The following SLC10A6 variants were observed in gnomAD, a reference collection of about 807,000 sequenced individuals.
SLC10A6 encodes the protein sodium-dependent organic anion transporter.
A neutral mutation model predicts 30.0 loss-of-function variants in SLC10A6; 27 were observed. That is an observed-to-expected ratio of 0.90 (90% CI 0.66 to 1.24). SLC10A6 has a LOEUF of 1.24. Among genes scored for constraint, SLC10A6 ranks in the 50% most tolerant of loss-of-function variants. The pLI is 0.00. For synonymous variants in SLC10A6, 166 were observed against 173.8 expected (o/e 0.95, Z 0.36); for missense variants, 439 against 457.0 (o/e 0.96, Z 0.36).
At position 86,831,873 on chromosome 4, in the gene SLC10A6, G is replaced by A. The variant is rs1435016959; in HGVS notation, c.504C>T (p.Thr168=). ...LTIPYQNIGI[T]LVCLTIPVAF... ...CCACAGGAATGGTCAGGCACACAAG[G>A]GTAATTCCTAAAGAGAAGAAAAATC... is the stretch of plus-strand genomic sequence containing the variant. Residue 168 remains threonine, a synonymous_variant, in exon 3 of 6, where the codon ACC becomes ACT. Coordinates refer to ENST00000273905, the MANE Select transcript of SLC10A6 (RefSeq NM_197965.3). 1.2e-6 allele frequency: 2 copies of A among 1,612,516 alleles called. No homozygotes were observed. Among genetic ancestry groups the A allele is most frequent in the Admixed American group, 1.7e-5 (1 of 59,944 alleles).
rs764945569 is a variant in SLC10A6, at chr4:86,849,108, G to C, written c.8C>G (p.Ala3Gly). Reference protein sequence around the residue: MRANCSSSSACPA... With the variant: MRGNCSSSSACPA... The stretch of plus-strand genomic sequence containing the variant: ...GCAGGCTGAGCTGCTGGAACAATTG[G>C]CTCTCATCTCCTCATCTCCTTAAGG... The change falls in exon 1 of 6, where the codon GCC (alanine) becomes GGC (glycine). Residue 3 changes from alanine to glycine, a missense_variant. Ala to Gly is a moderately conservative substitution (Grantham distance 60). Transcript: ENST00000273905. The C allele has an allele frequency of 1.9e-6, 3 of 1,612,634 alleles. No homozygotes were observed. Among genetic ancestry groups the C allele is most frequent in the Admixed American group, 3.3e-5 (2 of 59,876 alleles).
At chr4:86,823,927 TAAC>T (rs746959420) in intron 5 of SLC10A6, 25 bp from the exon 6 acceptor site, 1 of 1,561,610 alleles carries the variant, frequency 6.4e-7, no homozygotes, top group Middle Eastern at 1.7e-4. Flanking sequence ...ATACAAGTAT[TAAC>T]AATCACTTTA....
At chr4:86,840,656 A>G (rs1475060799) in intron 1 of SLC10A6, among the ~76,000 whole-genome samples, 1 of 152,130 alleles carries the variant, frequency 6.6e-6, no homozygotes, top group East Asian at 1.9e-4. Context: ...AAAATAAACC[A>G]TTTTCCACTA....
chr4:86,838,494 TTCTC>T (rs1237615159), intron 1 of SLC10A6, among the ~76,000 whole-genome samples: 14 of 152,348 alleles, frequency 9.2e-5, no homozygotes, highest in Middle Eastern at 6.8e-3. Flanking sequence ...TATGGAAATA[TTCTC>T]TCTGTCTCCG....
At chr4:86,846,031 A>G (rs1016610670) in intron 1 of SLC10A6, among the ~76,000 whole-genome samples, 2 of 152,340 alleles carry the variant, frequency 1.3e-5, no homozygotes, top group East Asian at 3.9e-4. Flanking sequence ...TCGTGTGTCA[A>G]ATGAAGATGT....
intron 1 of SLC10A6, 61 bp from the exon 2 acceptor site, chr4:86,833,485 T>C: frequency 7.7e-7 from 1 of 1,302,458 alleles, no homozygotes; most frequent in Non-Finnish European, 1.1e-6. Context: ...ATTTAGTCTT[T>C]ACCAAAAGCA....
At chr4:86,839,781 C>T (rs1169884300) in intron 1 of SLC10A6, among the ~76,000 whole-genome samples, 1 of 152,150 alleles carries the variant, frequency 6.6e-6, no homozygotes, top group East Asian at 1.9e-4. Context: ...TTAATATATA[C>T]TTTCAGACTA....
At chr4:86,845,972 A>C (rs1347513069) in intron 1 of SLC10A6, among the ~76,000 whole-genome samples, 2 of 152,256 alleles carry the variant, frequency 1.3e-5, no homozygotes, top group Non-Finnish European at 2.9e-5. Context: ...GAGTGAAGGC[A>C]TGAGAAACGT....
intron 1 of SLC10A6, among the ~76,000 whole-genome samples, chr4:86,840,883 T>G (rs1746278553): frequency 1.3e-5 from 2 of 152,236 alleles, no homozygotes; most frequent in South Asian, 4.1e-4. Context: ...TTATTCCATA[T>G]GAAACCCAAA....
At chr4:86,837,745 G>T in intron 1 of SLC10A6, 1 of 448,528 alleles carries the variant, frequency 2.2e-6, no homozygotes, top group Non-Finnish European at 2.9e-6. Flanking sequence ...CATCAGACCA[G>T]TCAAATATTT....
chr4:86,847,305 G>GATATTAGTTTTATTAATATT (rs1746407949), intron 1 of SLC10A6, among the ~76,000 whole-genome samples: 1 of 152,192 alleles, frequency 6.6e-6, no homozygotes, highest in Non-Finnish European at 1.5e-5. Context: ...TGCCTATGGG[G>GATATTAGTTTTATTAATATT]CACTTAATAA....
rs528470969 is a variant in SLC10A6 at position 86,825,076 on chromosome 4, C to T, written c.919+344G>A. ...CTTTTAATGAGACCTAACAAATCAA[C>T]GCTTAAGTGCAGCAAATGTCACTTT... On this transcript the variant is annotated intron_variant, in intron 5 of 5. Coordinates refer to ENST00000273905, the MANE Select transcript of SLC10A6 (RefSeq NM_197965.3). 1.4e-4 allele frequency among the ~76,000 whole-genome samples: 21 copies of T among 152,282 alleles called. No homozygotes were observed. In the South Asian group the frequency reaches 3.9e-3, roughly 29 times the overall value.
chr4:86,827,979 T>G lies in SLC10A6; in HGVS notation c.761+14A>C, dbSNP rs1248659575. On this transcript the variant is annotated intron_variant, in intron 4 of 5. Transcript: ENST00000273905. ...TACCTTCCTCAAAAAAGTTTATGGA[T>G]AGTTTAACTATACCTTTGCCAAGAC... is the stretch of plus-strand genomic sequence containing the variant. 1.2e-6 allele frequency: 2 copies of G among 1,607,770 alleles called. No individual in the cohort carries two copies. The highest frequency in any genetic ancestry group is 1.3e-5 in the African/African-American group (1 of 74,526).
intron 3 of SLC10A6, among the ~76,000 whole-genome samples, chr4:86,829,783 T>C (rs1270785066): frequency 1.3e-5 from 2 of 152,102 alleles, no homozygotes; most frequent in African/African-American, 4.8e-5. Flanking sequence ...TTTATGCATA[T>C]TATTAAATGT....
intron 2 of SLC10A6, 136 bp downstream of exon 2, chr4:86,833,170 A>G (rs1746114491): frequency 1.6e-6 from 1 of 617,974 alleles, no homozygotes; most frequent in Non-Finnish European, 2.8e-6. Flanking sequence ...CAGAATCTAT[A>G]CTGTAGGGTT....
chr4:86,843,953 C>T (rs1176844663), intron 1 of SLC10A6, among the ~76,000 whole-genome samples: 3 of 151,804 alleles, frequency 2.0e-5, no homozygotes, highest in Non-Finnish European at 2.9e-5. Flanking sequence ...CTGAGGTGGG[C>T]GGATCATGAG....
intron 2 of SLC10A6, among the ~76,000 whole-genome samples, chr4:86,832,529 T>C (rs1746097268): frequency 6.6e-6 from 1 of 151,380 alleles, no homozygotes; most frequent in Non-Finnish European, 1.5e-5. Context: ...AGGCAGAAGT[T>C]GCAGTGAGCC....
In SLC10A6 at chr4:86,840,076, A is replaced by AT. The variant is rs777856705; in HGVS notation, c.378-6653dup. On this transcript the variant is annotated intron_variant, in intron 1 of 5. Transcript: ENST00000273905. The stretch of plus-strand genomic sequence containing the variant: ...AGGTACCCGCCACCACACCAGGCTA[A>AT]TTTTTTTTTTTTTTTTAATTTTTAG... 6.8e-3 allele frequency among the ~76,000 whole-genome samples: 973 copies of AT among 142,296 alleles called. 4 individuals are homozygous for AT. The highest frequency in any genetic ancestry group is 0.033 in the South Asian group (146 of 4,382). The allele number at this position is 142,296 out of a possible 152,430, so 93.4% of individuals were successfully genotyped here.
chr4:86,839,784 T>G (rs1746259646), intron 1 of SLC10A6, among the ~76,000 whole-genome samples: 1 of 152,232 alleles, frequency 6.6e-6, no homozygotes, highest in Admixed American at 6.5e-5. Context: ...ATATATACTT[T>G]CAGACTACTT....
Sources: gnomAD v4.1 joint callset for allele counts (sites outside exome capture counted in the v4.1 genomes callset) on GRCh38, gnomAD v4.1.1 for gene constraint, MANE v1.5 for transcripts, NCBI Gene and HGNC (gene_info 2026-07-23, HGNC 2026-07-21) for gene names.